ZNF721: variants seen among roughly 807,000 people sequenced by gnomAD.
ZNF721 encodes the protein zinc finger protein 721.
ZNF721 carries 2 observed loss-of-function variants against 2.4 expected under a neutral mutation model. The observed-to-expected ratio is 0.82, with a 90% CI of 0.34 to 2.58. ZNF721 has a LOEUF of 2.58. Among genes scored for constraint, ZNF721 ranks in the 30% most tolerant of loss-of-function variants. The pLI, the probability that ZNF721 is intolerant of heterozygous loss-of-function variation, is 0.11. For synonymous variants in ZNF721, 398 were observed against 381.8 expected, an observed-to-expected ratio of 1.04 and a Z score of -0.50; for missense variants, 1,187 against 1,085.5, an observed-to-expected ratio of 1.09 and a Z score of -1.31.
At chr4:472,263 T>A (rs782232534) in intron 2 of ZNF721, among the ~76,000 whole-genome samples, 7 of 152,228 alleles carry the variant, frequency 4.6e-5, no homozygotes, top group Non-Finnish European at 1.0e-4. Context: ...GGTTTTGCCA[T>A]GTTGGCAAGG....
intron 2 of ZNF721, among the ~76,000 whole-genome samples, chr4:461,335 A>T (rs1249355331): frequency 6.6e-6 from 1 of 152,252 alleles, no homozygotes; most frequent in African/African-American, 2.4e-5. Context: ...TTACATAAAC[A>T]GAACCGATGA....
chr4:451,135 C>T (rs1399234388), intron 2 of ZNF721, among the ~76,000 whole-genome samples: 3 of 151,430 alleles, frequency 2.0e-5, no homozygotes, highest in Admixed American at 2.0e-4. Flanking sequence ...CATATACATA[C>T]AATATTTTAT....
chr4:447,265 T>G (rs1393764247), intron 2 of ZNF721, among the ~76,000 whole-genome samples: 1 of 152,010 alleles, frequency 6.6e-6, no homozygotes, highest in Non-Finnish European at 1.5e-5. Context: ...GAGCTTGCAG[T>G]GAGCCGAGAT....
intron 2 of ZNF721, among the ~76,000 whole-genome samples, chr4:457,712 T>C (rs991305896): frequency 2.6e-5 from 4 of 152,168 alleles, no homozygotes; most frequent in Non-Finnish European, 4.4e-5. Context: ...TATTTATTTA[T>C]GGTGGATCTT....
chr4:464,956 G>T (rs1273983458), intron 2 of ZNF721, among the ~76,000 whole-genome samples: 2 of 151,766 alleles, frequency 1.3e-5, no homozygotes, highest in African/African-American at 4.8e-5. Context: ...GTGGTGGCAG[G>T]TGCCTGCAGT....
At chr4:480,160 T>G (rs546138406) in intron 1 of ZNF721, among the ~76,000 whole-genome samples, 1 of 152,324 alleles carries the variant, frequency 6.6e-6, no homozygotes, top group South Asian at 2.1e-4. Context: ...TATGCATGTA[T>G]TTGTCTTCCT....
chr4:496,947 C>A (rs2108727061), intron 1 of ZNF721, among the ~76,000 whole-genome samples: 1 of 151,856 alleles, frequency 6.6e-6, no homozygotes, highest in Non-Finnish European at 1.5e-5. Context: ...CTCCTGACCT[C>A]GTGATCCGCC....
intron 2 of ZNF721, among the ~76,000 whole-genome samples, chr4:467,891 C>T (rs1033671946): frequency 1.4e-4 from 21 of 151,960 alleles, no homozygotes; most frequent in African/African-American, 4.8e-4. Flanking sequence ...AAGCCCAGCA[C>T]TTTGGGAGGC....
chr4:481,748 G>A (rs1243184548), intron 1 of ZNF721, among the ~76,000 whole-genome samples: 7 of 152,274 alleles, frequency 4.6e-5, no homozygotes, highest in African/African-American at 1.7e-4. Context: ...CAGGAAGGCA[G>A]TAAAAATGCC....
At chr4:491,179 G>C (rs1383538892) in intron 1 of ZNF721, among the ~76,000 whole-genome samples, 2 of 152,198 alleles carry the variant, frequency 1.3e-5, no homozygotes, top group Non-Finnish European at 2.9e-5. Flanking sequence ...TGTAACCCCA[G>C]CACTTTGGGA....
chr4:473,922 T>A, intron 1 of ZNF721: 4 of 1,492,006 alleles, frequency 2.7e-6, no homozygotes, highest in South Asian at 1.1e-5. Context: ...CCGCCGCCAT[T>A]TGCCGCCGGT....
chr4:456,101 C>T (rs1179320177), intron 2 of ZNF721, among the ~76,000 whole-genome samples: 1 of 141,164 alleles, frequency 7.1e-6, no homozygotes, highest in African/African-American at 2.9e-5. Context: ...GATGGAGTCT[C>T]GCCCTGTCAC....
intron 1 of ZNF721, among the ~76,000 whole-genome samples, chr4:473,580 C>T (rs1553868103): frequency 6.6e-6 from 1 of 152,188 alleles, no homozygotes; most frequent in Admixed American, 6.5e-5. Flanking sequence ...GGCGCTGCCC[C>T]ATTAATGAGT....
intron 1 of ZNF721, among the ~76,000 whole-genome samples, chr4:498,630 A>G (rs1470371662): frequency 6.6e-6 from 1 of 152,250 alleles, no homozygotes; most frequent in African/African-American, 2.4e-5. Context: ...AGACACAGAA[A>G]GACAAATACC....
At chr4:444,854 A>G (rs1414744211) in intron 2 of ZNF721, among the ~76,000 whole-genome samples, 1 of 152,200 alleles carries the variant, frequency 6.6e-6, no homozygotes, top group Non-Finnish European at 1.5e-5. Flanking sequence ...CTCCAATAAA[A>G]CAGTGCTGAA....
Position 444,441 on chromosome 4 carries a change from A to C in ZNF721, c.35-9T>G, listed in dbSNP as rs782532884. 1 of 1,549,222 alleles carries C rather than the reference A, an allele frequency of 6.5e-7. No individual in the cohort carries two copies. Among genetic ancestry groups the C allele is most frequent in the East Asian group, 2.3e-5 (1 of 44,340 alleles). The stretch of plus-strand genomic sequence containing the variant: ...GAAATGAGAACACATAGCTGAAAGA[A>C]ACAAAAATAACAAATTATCCCAGTT... On this transcript the variant is annotated splice_polypyrimidine_tract_variant and intron_variant, in intron 2 of 2. Coordinates refer to ENST00000511833, the MANE Select transcript of ZNF721 (RefSeq NM_133474.4).
rs1310848660 is a variant in ZNF721, at chr4:442,775, T to C, written c.1692A>G (p.Lys564=). The C allele has an allele frequency of 1.9e-6, 3 of 1,614,084 alleles. No individual in the cohort carries two copies. Among genetic ancestry groups the C allele is most frequent in the African/African-American group, 2.7e-5 (2 of 75,064 alleles). Residue 564 remains lysine (K), a synonymous_variant, in exon 3 of 3, where the codon AAA becomes AAG. Coordinates refer to ENST00000511833, the MANE Select transcript of ZNF721 (RefSeq NM_133474.4). ...EKPYTCEECG[K]TFRQSANLYV... ...AAAGGTTTGCGGACTGTCTAAAGGT[T>C]TTGCCACATTCTTCACATGTGTAGG...
intron 1 of ZNF721, among the ~76,000 whole-genome samples, chr4:489,719 G>A (rs552374622): frequency 6.6e-6 from 1 of 152,204 alleles, no homozygotes; most frequent in African/African-American, 2.4e-5. Flanking sequence ...TGTAGCTACT[G>A]GGGAGGAATG....
chr4:497,592 TATA>T (rs1170548773), intron 1 of ZNF721, among the ~76,000 whole-genome samples: 3 of 152,074 alleles, frequency 2.0e-5, no homozygotes, highest in Non-Finnish European at 4.4e-5. Context: ...CAATCATATG[TATA>T]ATAACAGGCC....
Sources: allele counts gnomAD v4.1 joint callset (sites outside exome capture counted in the v4.1 genomes callset), GRCh38; gene constraint gnomAD v4.1.1; transcripts MANE v1.5; gene names NCBI Gene and HGNC (gene_info 2026-07-23, HGNC 2026-07-21).